The following GRIK4 variants were observed in gnomAD, a reference collection of about 807,000 sequenced individuals.
GRIK4 encodes the protein glutamate ionotropic receptor kainate type subunit 4, also known as glutamate receptor ionotropic, kainate 4.
In GRIK4, 40 loss-of-function variants were observed where a neutral mutation model predicts 104.9. The ratio of observed to expected loss-of-function variants is 0.38; its 90% CI spans 0.30 to 0.50. GRIK4 has a LOEUF of 0.50. Ranked by LOEUF, GRIK4 falls within the 20% of genes least tolerant of loss-of-function variation. The pLI is 0.93. For missense variants in GRIK4, 1,047 were observed against 1,308.1 expected, an observed-to-expected ratio of 0.80 and a Z score of 3.08; for synonymous variants, 485 against 524.9, an observed-to-expected ratio of 0.92 and a Z score of 1.04.
intron 8 of GRIK4, among the ~76,000 whole-genome samples, chr11:120,859,569 A>C (rs1185777298): frequency 6.6e-6 from 1 of 152,172 alleles, no homozygotes; most frequent in Non-Finnish European, 1.5e-5. Context: ...TAAGGAAGCC[A>C]GGGAAGAGGA....
In GRIK4 at chr11:120,953,750, T is replaced by C. The variant is rs887926024; in HGVS notation, c.1700+786T>C. On this transcript the variant is annotated intron_variant, in intron 15 of 20. Coordinates refer to ENST00000527524, the MANE Select transcript of GRIK4 (RefSeq NM_014619.5). The surrounding 1 kb of genome is among the most constrained non-coding windows in gnomAD (Gnocchi z 4.9). ...AGGTAGTTTCGCTCCAGGCCAAGGC[T>C]GTTGGGCCAGCCTGAGCTGCAGGAG... Among the ~76,000 whole-genome samples the C allele has an allele frequency of 1.8e-4, 28 of 152,162 alleles. No homozygotes were observed. The highest frequency in any genetic ancestry group is 6.8e-4 in the African/African-American group (28 of 41,440).
At chr11:120,663,186 G>A (rs936337359) in intron 3 of GRIK4, among the ~76,000 whole-genome samples, 1 of 152,184 alleles carries the variant, frequency 6.6e-6, no homozygotes, top group African/African-American at 2.4e-5. Context: ...TAAATGCCCT[G>A]AGGAGACCCC....
At chr11:120,600,109 G>A (rs1948864437) in intron 1 of GRIK4, among the ~76,000 whole-genome samples, 1 of 152,186 alleles carries the variant, frequency 6.6e-6, no homozygotes, top group Non-Finnish European at 1.5e-5. Context: ...AGTAGTGCTG[G>A]CAGCCCTGAT....
intron 3 of GRIK4, among the ~76,000 whole-genome samples, chr11:120,765,462 A>G (rs560315681): frequency 1.7e-4 from 26 of 152,136 alleles, no homozygotes; most frequent in Non-Finnish European, 3.4e-4. Context: ...ACTTCTATCA[A>G]TTCGTCAAAT....
At chr11:120,890,175 C>T (rs1041717316) in intron 11 of GRIK4, among the ~76,000 whole-genome samples, 1 of 152,108 alleles carries the variant, frequency 6.6e-6, no homozygotes, top group African/African-American at 2.4e-5. Flanking sequence ...CAAAGGCCAT[C>T]ACGTACATTA....
At chr11:120,821,297 G>C (rs1056162215) in intron 6 of GRIK4, among the ~76,000 whole-genome samples, 1 of 152,208 alleles carries the variant, frequency 6.6e-6, no homozygotes, top group Non-Finnish European at 1.5e-5. Flanking sequence ...GCTTCAACTG[G>C]ATCTCAAAGG....
intron 3 of GRIK4, among the ~76,000 whole-genome samples, chr11:120,743,569 C>T (rs1951378600): frequency 6.6e-6 from 1 of 152,080 alleles, no homozygotes; most frequent in Non-Finnish European, 1.5e-5. Context: ...ACCTCCAAAC[C>T]TAGAATAAAA....
intron 1 of GRIK4, among the ~76,000 whole-genome samples, chr11:120,611,484 CAAGG>C (rs990554563): frequency 9.2e-5 from 14 of 152,146 alleles, no homozygotes; most frequent in South Asian, 6.2e-4. Context: ...TGGCAAAAGA[CAAGG>C]AAGGCGCTCA....
chr11:120,815,446 A>G lies in GRIK4; in HGVS notation c.316A>G (p.Ile106Val), dbSNP rs1473331891. 7 of 1,550,874 alleles carry G rather than the reference A, an allele frequency of 4.5e-6. No individual in the cohort carries two copies. The highest frequency in any genetic ancestry group is 6.1e-6 in the Non-Finnish European group (7 of 1,146,148). Reference protein sequence around the residue: ...GPSSSPASSSIISNICGEKEV... With the variant: ...GPSSSPASSSVISNICGEKEV... ...ATCGTCCAGCCCAGCCTCCAGCTCCATCATCAGCAACATCTGTGGAGAGAA... is the reference window on the plus strand; with the variant it reads ...ATCGTCCAGCCCAGCCTCCAGCTCCGTCATCAGCAACATCTGTGGAGAGAA... The change falls in exon 5 of 21, where the codon ATC becomes GTC. Residue 106 changes from isoleucine (I) to valine (V), a missense_variant. This residue lies in a region of GRIK4 where 447 missense variants were observed against 514.9 expected (regional missense o/e 0.87). Transcript: ENST00000527524.
At chr11:120,799,488 C>T (rs1337911919) in intron 3 of GRIK4, among the ~76,000 whole-genome samples, 2 of 152,214 alleles carry the variant, frequency 1.3e-5, no homozygotes, top group Non-Finnish European at 2.9e-5. Flanking sequence ...CGCAGCAAAT[C>T]CTTGAGTTTT....
intron 3 of GRIK4, among the ~76,000 whole-genome samples, chr11:120,770,914 A>G (rs1324077981): frequency 6.6e-6 from 1 of 152,252 alleles, no homozygotes; most frequent in East Asian, 1.9e-4. Context: ...CCAGCACTCC[A>G]TAACTGTGAG....
intron 1 of GRIK4, among the ~76,000 whole-genome samples, chr11:120,615,322 G>C (rs895399864): frequency 6.6e-6 from 1 of 152,220 alleles, no homozygotes; most frequent in South Asian, 2.1e-4. Flanking sequence ...ACAAAGCATT[G>C]AGCGGGTTGG....
intron 4 of GRIK4, 111 bp from the exon 5 acceptor site, chr11:120,815,267 G>T: frequency 3.0e-6 from 2 of 665,948 alleles, no homozygotes; most frequent in Non-Finnish European, 5.3e-6. Flanking sequence ...CTGGGCAGCG[G>T]GTGTGCAGAA....
At chr11:120,957,973 T>C (rs1300657495) in intron 16 of GRIK4, among the ~76,000 whole-genome samples, 1 of 152,180 alleles carries the variant, frequency 6.6e-6, no homozygotes, top group South Asian at 2.1e-4. Context: ...ACCAGATAGT[T>C]TGGAGAAGTC....
chr11:120,737,850 G>T (rs1345259412), intron 3 of GRIK4, among the ~76,000 whole-genome samples: 1 of 152,174 alleles, frequency 6.6e-6, no homozygotes, highest in African/African-American at 2.4e-5. Flanking sequence ...TTATTATGAG[G>T]TGTTCACCTT....
chr11:120,810,124 A>C (rs1952800716), intron 4 of GRIK4, among the ~76,000 whole-genome samples: 1 of 152,268 alleles, frequency 6.6e-6, no homozygotes, highest in South Asian at 2.1e-4. Context: ...GTAAAGTTGA[A>C]TCTCCAGTAA....
chr11:120,845,520 T>C (rs1049170661), intron 8 of GRIK4, among the ~76,000 whole-genome samples: 1 of 152,162 alleles, frequency 6.6e-6, no homozygotes, highest in Non-Finnish European at 1.5e-5. Context: ...ACAGCTGTTA[T>C]CAGAAACATT....
At chr11:120,901,258 C>T (rs536047428) in intron 12 of GRIK4, among the ~76,000 whole-genome samples, 25 of 152,296 alleles carry the variant, frequency 1.6e-4, no homozygotes, top group Admixed American at 9.1e-4. Context: ...CAGCCCACCT[C>T]GCCTTCTCCT....
intron 1 of GRIK4, among the ~76,000 whole-genome samples, chr11:120,609,875 C>G (rs1949011843): frequency 6.6e-6 from 1 of 152,140 alleles, no homozygotes; most frequent in East Asian, 1.9e-4. Context: ...CTTTCCTCTT[C>G]TACACTTGGT....
Sources: allele counts gnomAD v4.1 joint callset (sites outside exome capture counted in the v4.1 genomes callset), GRCh38; gene constraint gnomAD v4.1.1; regional missense constraint gnomAD v4.1.1; non-coding constraint Gnocchi (gnomAD v3.1); transcripts MANE v1.5; gene names NCBI Gene and HGNC (gene_info 2026-07-23, HGNC 2026-07-21).